Variants in PXN observed in about 807,000 individuals in gnomAD.
PXN encodes the protein paxillin.
PXN carries 61 observed loss-of-function variants against 103.6 expected under a neutral mutation model. The ratio of observed to expected loss-of-function variants is 0.59; its 90% confidence interval spans 0.48 to 0.73. PXN has a LOEUF of 0.73. Among genes scored for constraint, PXN ranks in the 30% least tolerant of loss-of-function variants. The pLI is 0.00. For missense variants in PXN, 1,274 were observed against 1,460.3 expected, an observed-to-expected ratio of 0.87 and a Z score of 2.08; for synonymous variants, 562 against 607.8, an observed-to-expected ratio of 0.92 and a Z score of 1.11.
chr12:120,220,611 G>A lies in PXN; in HGVS notation c.832-520C>T, dbSNP rs954755159. On this transcript the variant is annotated intron_variant, in intron 6 of 14. Transcript: ENST00000637617. The surrounding 1 kb of genome is among the most constrained non-coding windows in gnomAD (Gnocchi z 6.1). The stretch of plus-strand genomic sequence containing the variant: ...CAGGACACAGGCTGTCTGAGAAAAC[G>A]GCAGCCTTAAAAGCACCGGGGCACA... 1.3e-5 allele frequency among the ~76,000 whole-genome samples: 2 copies of A among 152,160 alleles called. No homozygotes were observed. Among genetic ancestry groups the A allele is most frequent in the South Asian group, 2.1e-4 (1 of 4,828 alleles).
intron 7 of PXN, among the ~76,000 whole-genome samples, chr12:120,218,622 C>T (rs1194225879): frequency 3.3e-5 from 5 of 151,870 alleles, no homozygotes; most frequent in East Asian, 1.9e-4. Context: ...GTGATCCGCC[C>T]GCCTCGGCCT....
rs753048962 is a variant in PXN at position 120,221,661 on chromosome 12, C to G, written c.793G>C (p.Glu265Gln). 1 of 1,563,822 alleles carries G rather than the reference C, an allele frequency of 6.4e-7. No homozygotes were observed. The highest frequency in any genetic ancestry group is 1.4e-5 in the African/African-American group (1 of 73,658). ...AGCGAAGCCATCAGCTCGTCCAGCT[C>G]CCTGGTGGCAGAGGAGGCCGAGATG... ...TRISASSATR[E>Q]LDELMASLSD... Residue 265 changes from glutamate (E) to glutamine (Q), a missense_variant, in exon 6 of 15, where the codon GAG (glutamate) becomes CAG (glutamine). Physicochemically the swap from Glu to Gln is conservative, Grantham distance 29. Transcript: ENST00000637617. The surrounding 1 kb of genome is among the most constrained non-coding windows in gnomAD (Gnocchi z 6.6).
intron 1 of PXN, among the ~76,000 whole-genome samples, chr12:120,241,502 C>T (rs903308169): frequency 1.2e-4 from 18 of 152,344 alleles, no homozygotes; most frequent in Non-Finnish European, 1.9e-4. Context: ...TGGCTCCAAT[C>T]GCGTTCACAA....
chr12:120,218,560 G>A (rs1242521116), intron 7 of PXN, among the ~76,000 whole-genome samples: 1 of 152,154 alleles, frequency 6.6e-6, no homozygotes, highest in Non-Finnish European at 1.5e-5. Context: ...ATCTTTAGTA[G>A]AGATGGGGTT....
At position 120,265,174 on chromosome 12, in the gene PXN, C is replaced by T. The variant is rs1230225920; in HGVS notation, c.13+443G>A. 1.4e-5 allele frequency among the ~76,000 whole-genome samples: 2 copies of T among 138,778 alleles called. No individual in the cohort carries two copies. Among genetic ancestry groups the T allele is most frequent in the African/African-American group, 5.6e-5 (2 of 35,926 alleles). 91.0% of individuals were successfully genotyped at this position (138,778 alleles called of 152,430 possible). ...GAAATGAGGGAGCAGCCCATGAGAT[C>T]GGGCAGCTGCTCCCCGAGTTGGGCG... On this transcript the variant is annotated intron_variant, in intron 1 of 14. Coordinates refer to ENST00000637617, the MANE Select transcript of PXN (RefSeq NM_001385981.1). The surrounding 1 kb of genome is among the most constrained non-coding windows in gnomAD (Gnocchi z 5.7).
rs551518241 is a variant in PXN, at chr12:120,216,032, A to T, written c.2301+241T>A. ...GGAGCCCGGGGCAGTACTGAGGACC[A>T]GTCGAGGAAGGAGCAGACATGGGTG... On this transcript the variant is annotated intron_variant, in intron 9 of 14. Coordinates refer to ENST00000637617, the MANE Select transcript of PXN (RefSeq NM_001385981.1). The surrounding 1 kb of genome is among the most constrained non-coding windows in gnomAD (Gnocchi z 5.1). The T allele has an allele frequency of 7.6e-7, 1 of 1,318,786 alleles. No individual in the cohort carries two copies. The highest frequency in any genetic ancestry group is 9.7e-7 in the Non-Finnish European group (1 of 1,035,680). 81.7% of individuals were successfully genotyped at this position (1,318,786 alleles called of 1,614,324 possible).
At chr12:120,238,821 G>A (rs528280669) in intron 1 of PXN, among the ~76,000 whole-genome samples, 1 of 152,324 alleles carries the variant, frequency 6.6e-6, no homozygotes, top group East Asian at 1.9e-4. Flanking sequence ...AGGTGCTAGG[G>A]TGAACCCCAT....
intron 1 of PXN, among the ~76,000 whole-genome samples, chr12:120,242,134 C>CCA (rs918973417): frequency 6.6e-6 from 1 of 152,116 alleles, no homozygotes; most frequent in Admixed American, 6.5e-5. Context: ...GTTCCCTGAG[C>CCA]CAGGGCCCAA....
In PXN at chr12:120,223,813, C is replaced by T. The variant is rs1206235763; in HGVS notation, c.261G>A (p.Val87=). The change falls in exon 3 of 15, where the codon GTG becomes GTA. Residue 87 remains valine, a synonymous_variant. Coordinates refer to ENST00000637617, the MANE Select transcript of PXN (RefSeq NM_001385981.1). ...IHQQPQSSSP[V]YGSSAKTSSV... ...TGGAAGTTTTGGCACTGGAGCCGTA[C>T]ACAGGTGATGAGGACTGAGGCTGCG... The T allele has an allele frequency of 3.1e-6, 5 of 1,607,358 alleles. No individual in the cohort carries two copies. Among genetic ancestry groups the T allele is most frequent in the Non-Finnish European group, 4.2e-6 (5 of 1,176,712 alleles).
chr12:120,254,247 T>C (rs939113589), intron 1 of PXN, among the ~76,000 whole-genome samples: 15 of 152,112 alleles, frequency 9.9e-5, no homozygotes, highest in African/African-American at 3.1e-4. Flanking sequence ...GTGGTTACTA[T>C]GGGTGGAAGT....
rs1386374319 is a variant in PXN, at chr12:120,214,599, A to C, written c.2748+226T>G. On this transcript the variant is annotated intron_variant, in intron 12 of 14. Transcript: ENST00000637617. The surrounding 1 kb of genome is among the most constrained non-coding windows in gnomAD (Gnocchi z 5.0). ...GCTCCTGAGTCCTGGGAGTCTCCACAGAAAGGAATCGAGATGGGAGGTGAA... is the reference window on the plus strand; with the variant it reads ...GCTCCTGAGTCCTGGGAGTCTCCACCGAAAGGAATCGAGATGGGAGGTGAA... Among the ~76,000 whole-genome samples the C allele has an allele frequency of 1.3e-5, 2 of 152,138 alleles. No individual in the cohort carries two copies. The highest frequency in any genetic ancestry group is 1.5e-5 in the Non-Finnish European group (1 of 68,004).
rs2136211857 is a variant in PXN, at chr12:120,216,347, G to C, written c.2227C>G (p.Pro743Ala). 2 of 1,291,040 alleles carry C rather than the reference G, an allele frequency of 1.5e-6. No individual in the cohort carries two copies. Among genetic ancestry groups the C allele is most frequent in the South Asian group, 5.5e-5 (2 of 36,062 alleles). The allele number at this position is 1,291,040 out of a possible 1,614,324, so 80.0% of individuals were successfully genotyped here. ...CTCATGGTGTGGGGTGCAGGAATGGGAAGGGCAGGGCCCTGCACCCCCTCA... is the reference window on the plus strand; with the variant it reads ...CTCATGGTGTGGGGTGCAGGAATGGCAAGGGCAGGGCCCTGCACCCCCTCA... ...HDEGVQGPAL[P>A]IPAPHTMRSV... Residue 743 changes from proline (P) to alanine (A), a missense_variant, in exon 9 of 15, where the codon CCC becomes GCC. This residue lies in a region of PXN where 1,178 missense variants were observed against 1,309.0 expected (regional missense o/e 0.90). Coordinates refer to ENST00000637617, the MANE Select transcript of PXN (RefSeq NM_001385981.1). This position sits in a 1 kb window ranked among gnomAD's most constrained non-coding sequence, Gnocchi z 5.1.
chr12:120,257,428 G>A (rs887133579), intron 1 of PXN, among the ~76,000 whole-genome samples: 1 of 152,192 alleles, frequency 6.6e-6, no homozygotes, highest in Non-Finnish European at 1.5e-5. Flanking sequence ...CATAGTCCTC[G>A]CCAAGTGGCC....
At chr12:120,233,236 C>T (rs745995863) in intron 1 of PXN, among the ~76,000 whole-genome samples, 1 of 152,206 alleles carries the variant, frequency 6.6e-6, no homozygotes, top group Non-Finnish European at 1.5e-5. Context: ...TGCTTCTCCC[C>T]CTAGACTGCA....
rs757883258 is a variant in PXN at position 120,213,844 on chromosome 12, G to A, written c.2977C>T (p.Arg993Trp). 3.7e-6 allele frequency: 6 copies of A among 1,610,148 alleles called. No homozygotes were observed. Among genetic ancestry groups the A allele is most frequent in the African/African-American group, 1.3e-5 (1 of 74,846 alleles). The stretch of plus-strand genomic sequence containing the variant: ...AGATGTGGTCAGGGGCTCCTTACCC[G>A]GCACACAAAGCACTCAGGATGCCAC... ...TLWHPECFVCRECFTPFVNGS... is the reference protein window; with the variant it reads ...TLWHPECFVCWECFTPFVNGS... The change falls in exon 14 of 15, where the codon CGG (arginine) becomes TGG (tryptophan). Residue 993 changes from arginine (R) to tryptophan (W), a missense_variant and splice_region_variant. Around this residue, in one of 2 missense-constraint regions of PXN, gnomAD observed 96 missense variants for 151.3 expected, o/e 0.63. Coordinates refer to ENST00000637617, the MANE Select transcript of PXN (RefSeq NM_001385981.1). The surrounding 1 kb of genome is among the most constrained non-coding windows in gnomAD (Gnocchi z 4.2).
Position 120,212,196 on chromosome 12 carries a change from G to T in PXN, c.*118C>A. On this transcript the variant is annotated 3_prime_UTR_variant, in exon 15 of 15. Coordinates refer to ENST00000637617, the MANE Select transcript of PXN (RefSeq NM_001385981.1). This position sits in a 1 kb window ranked among gnomAD's most constrained non-coding sequence, Gnocchi z 7.2. ...CCTCTGTCCATCCCGCACCAGCGGA[G>T]GACAAGGGTTCCAGTTTCAGTCGGG... 1 of 1,413,196 alleles carries T rather than the reference G, an allele frequency of 7.1e-7. No individual in the cohort carries two copies. Among genetic ancestry groups the T allele is most frequent in the Non-Finnish European group, 9.6e-7 (1 of 1,041,580 alleles). The allele number at this position is 1,413,196 out of a possible 1,614,324, so 87.5% of individuals were successfully genotyped here.
intron 1 of PXN, among the ~76,000 whole-genome samples, chr12:120,261,783 C>T (rs974675729): frequency 4.6e-5 from 7 of 152,224 alleles, no homozygotes; most frequent in Non-Finnish European, 1.0e-4. Flanking sequence ...CCTCAAAAGA[C>T]CTTGAACCTA....
rs1487675290 is a variant in PXN at position 120,214,829 on chromosome 12, A to G, written c.2744T>C (p.Leu915Pro). ...GGTGCCGGATGAGGAACTCACATCC[A>G]GGATGGGGCCGTTGCAGTAGTAGCA... ...PRCYYCNGPI[L>P]DKVVTALDRT... The change falls in exon 12 of 15, where the codon CTG becomes CCG. Residue 915 changes from leucine to proline, a missense_variant. Physicochemically the swap from Leu to Pro is moderately conservative, Grantham distance 98 (BLOSUM62 -3). Transcript: ENST00000637617. The surrounding 1 kb of genome is among the most constrained non-coding windows in gnomAD (Gnocchi z 5.0). 1.9e-6 allele frequency: 3 copies of G among 1,613,906 alleles called. No individual in the cohort carries two copies. Among genetic ancestry groups the G allele is most frequent in the South Asian group, 2.2e-5 (2 of 91,086 alleles).
At chr12:120,233,001 C>A (rs1163459802) in intron 1 of PXN, among the ~76,000 whole-genome samples, 1 of 152,172 alleles carries the variant, frequency 6.6e-6, no homozygotes, top group East Asian at 1.9e-4. Flanking sequence ...TAAGTCACAT[C>A]AATTCTTCCT....
Sources: gnomAD v4.1 joint callset for allele counts (sites outside exome capture counted in the v4.1 genomes callset) on GRCh38, gnomAD v4.1.1 for gene constraint, gnomAD v4.1.1 regional missense constraint, Gnocchi (gnomAD v3.1) non-coding constraint, MANE v1.5 for transcripts, NCBI Gene and HGNC (gene_info 2026-07-23, HGNC 2026-07-21) for gene names.